Variants in CDH13 observed in about 807,000 individuals in gnomAD.
The protein encoded by CDH13 is cadherin-13.
In CDH13, 24 loss-of-function variants were observed where a neutral mutation model predicts 63.8. The ratio of observed to expected loss-of-function variants is 0.38; its 90% CI spans 0.27 to 0.53. The LOEUF is 0.53. CDH13 is among the 20% of genes least tolerant of loss of function. The pLI, the probability that CDH13 is intolerant of heterozygous loss-of-function variation, is 0.85. For missense variants in CDH13, 1,049 were observed against 903.1 expected, an observed-to-expected ratio of 1.16 and a Z score of -2.07; for synonymous variants, 503 against 355.3, an observed-to-expected ratio of 1.42 and a Z score of -4.67.
At chr16:83,705,480 G>A (rs1598524327) in intron 10 of CDH13, among the ~76,000 whole-genome samples, 1 of 152,164 alleles carries the variant, frequency 6.6e-6, no homozygotes. Context: ...AAATTAGCCG[G>A]GCATGATGGT....
intron 4 of CDH13, among the ~76,000 whole-genome samples, chr16:83,203,139 G>T (rs575617497): frequency 2.0e-5 from 3 of 152,198 alleles, no homozygotes; most frequent in Non-Finnish European, 4.4e-5. Context: ...CAGGAGAATT[G>T]CTTGAACCTG....
intron 3 of CDH13, among the ~76,000 whole-genome samples, chr16:83,100,360 C>G (rs76271351): frequency 6.6e-6 from 1 of 151,926 alleles, no homozygotes; most frequent in East Asian, 1.9e-4. Context: ...TTTTGGATAC[C>G]GAGGTCAAAT....
chr16:83,415,510 C>A (rs1427701926), intron 6 of CDH13, among the ~76,000 whole-genome samples: 4 of 152,092 alleles, frequency 2.6e-5, no homozygotes, highest in Non-Finnish European at 5.9e-5. Context: ...AAGCAAAAGT[C>A]CTTAACAAAA....
At chr16:83,278,478 G>C (rs1026269490) in intron 5 of CDH13, among the ~76,000 whole-genome samples, 3 of 152,224 alleles carry the variant, frequency 2.0e-5, no homozygotes, top group Non-Finnish European at 4.4e-5. Context: ...TGACTTGCCA[G>C]TTTCCATGGT....
At chr16:82,760,503 A>T (rs1194435546) in intron 1 of CDH13, among the ~76,000 whole-genome samples, 2 of 152,140 alleles carry the variant, frequency 1.3e-5, no homozygotes, top group African/African-American at 4.8e-5. Flanking sequence ...TTACTTTAGG[A>T]GATTCATAGT....
chr16:83,527,030 G>C (rs2074977625), intron 7 of CDH13, among the ~76,000 whole-genome samples: 1 of 152,068 alleles, frequency 6.6e-6, no homozygotes, highest in Admixed American at 6.6e-5. Context: ...TATTTAGGAG[G>C]CTGAGGCAGG....
At chr16:83,103,226 T>C (rs1429135471) in intron 3 of CDH13, among the ~76,000 whole-genome samples, 1 of 147,508 alleles carries the variant, frequency 6.8e-6, no homozygotes, top group Admixed American at 6.8e-5. Flanking sequence ...GTACTGAGAT[T>C]ACAGGCGTTA....
At chr16:83,041,565 C>A (rs1174525869) in intron 3 of CDH13, among the ~76,000 whole-genome samples, 2 of 152,030 alleles carry the variant, frequency 1.3e-5, no homozygotes, top group South Asian at 2.1e-4. Context: ...ACTTTTAAAT[C>A]CACTACCTAT....
At chr16:83,371,172 A>G (rs1478208296) in intron 6 of CDH13, among the ~76,000 whole-genome samples, 2 of 152,364 alleles carry the variant, frequency 1.3e-5, no homozygotes, top group Non-Finnish European at 2.9e-5. Flanking sequence ...TAGCAGTCTC[A>G]TTGTTAGATA....
intron 3 of CDH13, among the ~76,000 whole-genome samples, chr16:83,118,501 C>A (rs571618479): frequency 6.6e-6 from 1 of 152,170 alleles, no homozygotes; most frequent in Admixed American, 6.5e-5. Flanking sequence ...GAAGGGGCTG[C>A]GTGTCTACAT....
chr16:83,657,461 C>A (rs558643870), intron 8 of CDH13, among the ~76,000 whole-genome samples: 2 of 152,156 alleles, frequency 1.3e-5, no homozygotes, highest in African/African-American at 4.8e-5. Flanking sequence ...CCTCTTTGAC[C>A]CCCAGAGCAG....
intron 7 of CDH13, among the ~76,000 whole-genome samples, chr16:83,501,797 G>T (rs762578985): frequency 2.0e-5 from 3 of 152,218 alleles, no homozygotes; most frequent in African/African-American, 7.2e-5. Context: ...AAATCTGACA[G>T]ATGTCTCAAG....
At chr16:83,652,848 G>A (rs1307467705) in intron 8 of CDH13, among the ~76,000 whole-genome samples, 2 of 152,176 alleles carry the variant, frequency 1.3e-5, no homozygotes, top group African/African-American at 2.4e-5. Flanking sequence ...ACTTGCAGAT[G>A]TGAACATTCA....
intron 7 of CDH13, among the ~76,000 whole-genome samples, chr16:83,499,429 C>T (rs532177551): frequency 1.6e-4 from 25 of 152,348 alleles, no homozygotes; most frequent in African/African-American, 6.0e-4. Context: ...ATCTGGGTTG[C>T]TTGAGTCTGA....
chr16:83,216,767 T>C (rs1367153642), intron 4 of CDH13, among the ~76,000 whole-genome samples: 3 of 149,728 alleles, frequency 2.0e-5, no homozygotes, highest in African/African-American at 7.3e-5. Flanking sequence ...AGGGGTTATA[T>C]ACATATTATA....
intron 3 of CDH13, among the ~76,000 whole-genome samples, chr16:83,116,238 A>G (rs759112606): frequency 1.3e-5 from 2 of 152,148 alleles, no homozygotes; most frequent in Admixed American, 6.5e-5. Context: ...CAGGTGTCAG[A>G]GGTTGGCTCC....
At chr16:83,713,603 G>A (rs1270505792) in intron 10 of CDH13, among the ~76,000 whole-genome samples, 2 of 152,100 alleles carry the variant, frequency 1.3e-5, no homozygotes, top group Non-Finnish European at 2.9e-5. Context: ...TCTATCGGCT[G>A]GGACTCTTTT....
intron 1 of CDH13, among the ~76,000 whole-genome samples, chr16:82,735,802 G>C (rs899412139): frequency 3.3e-5 from 5 of 152,194 alleles, no homozygotes; most frequent in Non-Finnish European, 2.9e-5. Flanking sequence ...AAAGCTATTT[G>C]CTGGGTAGAC....
At chr16:82,639,953 C>T (rs902973060) in intron 1 of CDH13, among the ~76,000 whole-genome samples, 6 of 152,162 alleles carry the variant, frequency 3.9e-5, no homozygotes, top group Non-Finnish European at 8.8e-5. Flanking sequence ...TTAACTCATT[C>T]ACTTAACAAA....
Sources: allele counts gnomAD v4.1 joint callset (sites outside exome capture counted in the v4.1 genomes callset), GRCh38; gene constraint gnomAD v4.1.1; transcripts MANE v1.5; gene names NCBI Gene and HGNC (gene_info 2026-07-23, HGNC 2026-07-21).